Variants in TGM4 observed in about 807,000 individuals in gnomAD.
The protein encoded by TGM4 is protein-glutamine gamma-glutamyltransferase 4.
Under a neutral mutation model 76.3 loss-of-function variants are expected in TGM4, and 61 were observed. The observed-to-expected ratio is 0.80, with a 90% CI of 0.65 to 0.99. TGM4 has a LOEUF of 0.99. Ranked by LOEUF, TGM4 falls within the 50% of genes least tolerant of loss-of-function variation. TGM4 has a pLI of 0.00. For missense variants in TGM4, 794 were observed against 843.2 expected, an observed-to-expected ratio of 0.94 and a Z score of 0.72; for synonymous variants, 337 against 329.8, an observed-to-expected ratio of 1.02 and a Z score of -0.24.
intron 1 of TGM4, among the ~76,000 whole-genome samples, chr3:44,880,228 A>G (rs1042030975): frequency 3.3e-5 from 5 of 152,186 alleles, no homozygotes; most frequent in African/African-American, 1.2e-4. Flanking sequence ...CTTGAGTGTG[A>G]CTTTATCTGT....
chr3:44,896,269 G>A (rs1192609043), intron 5 of TGM4, among the ~76,000 whole-genome samples: 1 of 152,022 alleles, frequency 6.6e-6, no homozygotes, highest in Non-Finnish European at 1.5e-5. Context: ...GCACCACCAC[G>A]CCCGGCTAAT....
In TGM4 at chr3:44,911,603, A is replaced by C. The variant is rs1184605039; in HGVS notation, c.1913+197A>C. On this transcript the variant is annotated intron_variant, in intron 13 of 13. Transcript: ENST00000296125. ...CGACAGATCTTTTTGATTCTTGCCA[A>C]TCTAGTGGTTAAGTAATCTCATTGC... is the stretch of plus-strand genomic sequence containing the variant. Among the ~76,000 whole-genome samples the C allele has an allele frequency of 2.0e-5, 3 of 152,280 alleles. No individual in the cohort carries two copies. In the South Asian group the frequency reaches 6.2e-4, roughly 32 times the overall value.
intron 1 of TGM4, among the ~76,000 whole-genome samples, chr3:44,882,205 C>T (rs1043482795): frequency 1.3e-5 from 2 of 152,122 alleles, no homozygotes; most frequent in African/African-American, 2.4e-5. Flanking sequence ...CCCGAGTAAC[C>T]GGGATTACAG....
intron 10 of TGM4, among the ~76,000 whole-genome samples, chr3:44,908,782 T>C (rs969956426): frequency 4.6e-5 from 7 of 152,184 alleles, no homozygotes; most frequent in Admixed American, 3.9e-4. Context: ...AAAGTCTTTG[T>C]CTAGTAGGTT....
intron 1 of TGM4, among the ~76,000 whole-genome samples, chr3:44,878,447 G>GTTT (rs1553671180): frequency 1.7e-4 from 12 of 71,268 alleles, no homozygotes; most frequent in African/African-American, 3.6e-4. Context: ...TATTACTTTT[G>GTTT]TTTTATTATT....
chr3:44,910,121 T>G lies in TGM4; in HGVS notation c.1359T>G (p.His453Gln), dbSNP rs1357588379. The G allele has an allele frequency of 1.2e-6, 2 of 1,614,196 alleles. No homozygotes were observed. The highest frequency in any genetic ancestry group is 3.3e-5 in the Admixed American group (2 of 60,020). The change falls in exon 11 of 14, where the codon CAT becomes CAG. Residue 453 changes from histidine to glutamine, a missense_variant. Coordinates refer to ENST00000296125, the MANE Select transcript of TGM4 (RefSeq NM_003241.4). ...CTGAGGAGAGGCAGGTCATGGATCA[T>G]GCCTTCCTCCTTCTCAGTTCTGAGA... ...GSSEERQVMD[H>Q]AFLLLSSERE...
chr3:44,911,044 A>T lies in TGM4; in HGVS notation c.1693A>T (p.Ile565Phe). The T allele has an allele frequency of 6.2e-7, 1 of 1,614,222 alleles. No individual in the cohort carries two copies. Among genetic ancestry groups the T allele is most frequent in the South Asian group, 1.1e-5 (1 of 91,082 alleles). Residue 565 changes from isoleucine (I) to phenylalanine (F), a missense_variant, in exon 12 of 14, where the codon ATC becomes TTC. By Grantham distance (21) the Ile-to-Phe change is conservative. Coordinates refer to ENST00000296125, the MANE Select transcript of TGM4 (RefSeq NM_003241.4). ...TGATGAGCCAGTTATCAGAGGTTTC[A>T]TCATTGCGGAAATTGTGGAGTCTAA... ...LDDEPVIRGF[I>F]IAEIVESKEI...
chr3:44,880,803 A>T (rs1699521998), intron 1 of TGM4, among the ~76,000 whole-genome samples: 1 of 152,218 alleles, frequency 6.6e-6, no homozygotes, highest in Non-Finnish European at 1.5e-5. Context: ...TTTCATCTGG[A>T]ATGGTTGTTT....
chr3:44,904,737 A>G (rs1267378414), intron 9 of TGM4, among the ~76,000 whole-genome samples: 6 of 152,242 alleles, frequency 3.9e-5, no homozygotes, highest in Non-Finnish European at 7.3e-5. Context: ...GCTGGAGTGC[A>G]GTGGTGTAAT....
intron 4 of TGM4, among the ~76,000 whole-genome samples, chr3:44,893,168 T>A (rs781762664): frequency 1.5e-4 from 23 of 152,236 alleles, no homozygotes; most frequent in Admixed American, 7.8e-4. Context: ...CAACCATTCT[T>A]CACTGTGATG....
At chr3:44,880,161 G>T (rs938220739) in intron 1 of TGM4, among the ~76,000 whole-genome samples, 2 of 151,602 alleles carry the variant, frequency 1.3e-5, no homozygotes, top group African/African-American at 4.9e-5. Context: ...GAATACTTGT[G>T]TGGTTTCTGC....
chr3:44,906,531 G>A (rs532507818), intron 9 of TGM4, among the ~76,000 whole-genome samples: 19 of 152,132 alleles, frequency 1.2e-4, no homozygotes, highest in Non-Finnish European at 1.5e-4. Flanking sequence ...TTTAATCTTC[G>A]CAATAGCCTT....
intron 6 of TGM4, chr3:44,899,056 A>G (rs1699818360): frequency 6.6e-6 from 1 of 152,296 alleles, no homozygotes; most frequent in Admixed American, 6.5e-5. Flanking sequence ...ACAAGATTCT[A>G]AACCTCTTTG....
At chr3:44,878,631 C>T (rs372701610) in intron 1 of TGM4, among the ~76,000 whole-genome samples, 1 of 151,852 alleles carries the variant, frequency 6.6e-6, no homozygotes, top group East Asian at 1.9e-4. Flanking sequence ...TACAGGCATG[C>T]GCCACATTAC....
chr3:44,905,110 G>A (rs578029819), intron 9 of TGM4, among the ~76,000 whole-genome samples: 7 of 152,108 alleles, frequency 4.6e-5, no homozygotes, highest in Non-Finnish European at 7.4e-5. Context: ...TCAGCCTCCC[G>A]AGTAGCTGGG....
chr3:44,890,720 C>T lies in TGM4; in HGVS notation c.418C>T (p.Pro140Ser). Residue 140 changes from proline (P) to serine (S), a missense_variant, in exon 4 of 14, where the codon CCA becomes TCA. Pro to Ser is a moderately conservative substitution (Grantham distance 74). Coordinates refer to ENST00000296125, the MANE Select transcript of TGM4 (RefSeq NM_003241.4). The part of the protein sequence containing the change: ...EENILYLLFN[P>S]WCKEDMVFMP... The stretch of plus-strand genomic sequence containing the variant: ...AAACATCCTATACCTTCTCTTCAAC[C>T]CATGGTGTAAAGGTACTGTGAATCT... 6.2e-7 allele frequency: 1 copy of T among 1,614,028 alleles called. No homozygotes were observed. The highest frequency in any genetic ancestry group is 8.5e-7 in the Non-Finnish European group (1 of 1,179,928).
At chr3:44,903,801 A>C in intron 8 of TGM4, 83 bp from the exon 9 acceptor site, 2 of 1,259,508 alleles carry the variant, frequency 1.6e-6, no homozygotes, top group South Asian at 2.4e-5. Flanking sequence ...GGTGATGAAG[A>C]TGTCTCTGGC....
At chr3:44,908,531 C>T (rs1699957141) in intron 10 of TGM4, among the ~76,000 whole-genome samples, 2 of 151,278 alleles carry the variant, frequency 1.3e-5, no homozygotes, top group Non-Finnish European at 2.9e-5. Context: ...AGGCTCTGTT[C>T]ACTCTTCCTC....
chr3:44,904,907 C>T (rs553884431), intron 9 of TGM4, among the ~76,000 whole-genome samples: 1 of 151,968 alleles, frequency 6.6e-6, no homozygotes, highest in South Asian at 2.1e-4. Context: ...GTCTCAAACT[C>T]CTGACCTCAC....
Sources: allele counts gnomAD v4.1 joint callset (sites outside exome capture counted in the v4.1 genomes callset), GRCh38; gene constraint gnomAD v4.1.1; transcripts MANE v1.5; gene names NCBI Gene and HGNC (gene_info 2026-07-23, HGNC 2026-07-21).